CCBE1: variants seen among roughly 807,000 people sequenced by gnomAD.
CCBE1 encodes the protein collagen and calcium-binding EGF domain-containing protein 1.
A neutral mutation model predicts 50.0 loss-of-function variants in CCBE1; 37 were observed. The observed-to-expected ratio is 0.74, with a 90% CI of 0.57 to 0.97. CCBE1 has a LOEUF of 0.97. Among genes scored for constraint, CCBE1 ranks in the 50% least tolerant of loss-of-function variants. The pLI, the probability that CCBE1 is intolerant of heterozygous loss-of-function variation, is 0.00. For synonymous variants in CCBE1, 234 were observed against 203.7 expected, an observed-to-expected ratio of 1.15 and a Z score of -1.27; for missense variants, 538 against 523.8, an observed-to-expected ratio of 1.03 and a Z score of -0.26.
intron 2 of CCBE1, among the ~76,000 whole-genome samples, chr18:59,574,247 A>G (rs952363555): frequency 6.6e-6 from 1 of 152,242 alleles, no homozygotes; most frequent in Admixed American, 6.5e-5. Context: ...ACCACAGTGC[A>G]ATATTTTCAA....
intron 2 of CCBE1, among the ~76,000 whole-genome samples, chr18:59,662,666 C>G (rs570638673): frequency 1.8e-4 from 28 of 152,176 alleles, no homozygotes; most frequent in Non-Finnish European, 3.4e-4. Flanking sequence ...TCAGGGAGAC[C>G]ATGAGAGCTA....
At chr18:59,685,247 C>T (rs185801838) in intron 2 of CCBE1, among the ~76,000 whole-genome samples, 2 of 152,208 alleles carry the variant, frequency 1.3e-5, no homozygotes, top group African/African-American at 4.8e-5. Context: ...TGGAATGGCT[C>T]AGCTTAAGAA....
intron 2 of CCBE1, among the ~76,000 whole-genome samples, chr18:59,524,623 G>C (rs1914742162): frequency 6.6e-6 from 1 of 152,140 alleles, no homozygotes; most frequent in African/African-American, 2.4e-5. Context: ...AAAGTTCCAA[G>C]ATACATGTGC....
chr18:59,606,933 G>A (rs2053506156), intron 2 of CCBE1, among the ~76,000 whole-genome samples: 1 of 151,966 alleles, frequency 6.6e-6, no homozygotes, highest in South Asian at 2.1e-4. Context: ...TTTATAATTA[G>A]TCGGACATGA....
intron 2 of CCBE1, among the ~76,000 whole-genome samples, chr18:59,588,630 G>C (rs931351528): frequency 6.6e-6 from 1 of 152,160 alleles, no homozygotes; most frequent in Non-Finnish European, 1.5e-5. Context: ...CTTAATTCTA[G>C]AGGGCCCCTC....
chr18:59,692,955 AGCACACAC>A (rs1458420681), intron 2 of CCBE1, among the ~76,000 whole-genome samples: 2,772 of 143,156 alleles, frequency 0.019, 57 homozygotes, highest in African/African-American at 0.041. Context: ...GTCAAGCCAA[AGCACACAC>A]ACACACACAC....
intron 2 of CCBE1, among the ~76,000 whole-genome samples, chr18:59,587,862 C>G (rs530456915): frequency 1.3e-5 from 2 of 152,238 alleles, no homozygotes; most frequent in East Asian, 3.9e-4. Flanking sequence ...ATCAATTGTA[C>G]TTTTTGTAAA....
chr18:59,680,066 CA>C (rs1318935973), intron 2 of CCBE1, among the ~76,000 whole-genome samples: 1 of 151,754 alleles, frequency 6.6e-6, no homozygotes, highest in Non-Finnish European at 1.5e-5. Context: ...ACTAAAAATA[CA>C]AAAATCAGCC....
chr18:59,684,943 G>A (rs2054637439), intron 2 of CCBE1, among the ~76,000 whole-genome samples: 1 of 152,090 alleles, frequency 6.6e-6, no homozygotes, highest in Non-Finnish European at 1.5e-5. Flanking sequence ...GAGAGTAAAG[G>A]CGTACAGATG....
At chr18:59,534,051 C>G (rs532661672) in intron 2 of CCBE1, among the ~76,000 whole-genome samples, 10 of 152,256 alleles carry the variant, frequency 6.6e-5, no homozygotes, top group African/African-American at 2.4e-4. Context: ...CCATAACCAC[C>G]CTGTTCCTCC....
chr18:59,631,946 A>G (rs2053854489), intron 2 of CCBE1, among the ~76,000 whole-genome samples: 1 of 152,232 alleles, frequency 6.6e-6, no homozygotes, highest in Non-Finnish European at 1.5e-5. Context: ...TCTACTCTGT[A>G]TTTAGCACTG....
chr18:59,656,177 T>C (rs1052754760), intron 2 of CCBE1, among the ~76,000 whole-genome samples: 1 of 152,224 alleles, frequency 6.6e-6, no homozygotes, highest in African/African-American at 2.4e-5. Flanking sequence ...AATTATATTA[T>C]TAAATAAGCA....
chr18:59,472,613 C>T (rs1027256020), intron 3 of CCBE1, among the ~76,000 whole-genome samples: 1 of 152,308 alleles, frequency 6.6e-6, no homozygotes, highest in African/African-American at 2.4e-5. Context: ...CCTCCCAAAG[C>T]GCTGGGATTA....
chr18:59,652,748 G>C (rs1376597231), intron 2 of CCBE1, among the ~76,000 whole-genome samples: 4 of 152,232 alleles, frequency 2.6e-5, no homozygotes, highest in South Asian at 4.1e-4. Flanking sequence ...GTGGATCATG[G>C]GGTCAGGAGA....
chr18:59,501,576 C>T (rs1913625281), intron 2 of CCBE1, among the ~76,000 whole-genome samples: 1 of 152,196 alleles, frequency 6.6e-6, no homozygotes, highest in African/African-American at 2.4e-5. Flanking sequence ...CTTCCTCCTC[C>T]TCCTGGAAGC....
chr18:59,545,716 G>A (rs1321307797), intron 2 of CCBE1, among the ~76,000 whole-genome samples: 1 of 152,204 alleles, frequency 6.6e-6, no homozygotes, highest in Admixed American at 6.5e-5. Context: ...TTTGAATCAT[G>A]AGGGCAGTTT....
Position 59,518,632 on chromosome 18 carries a change from T to C in CCBE1, c.213-38394A>G, listed in dbSNP as rs144990293. ...CTCCCCTTAAAATGGCACAGAAGAG[T>C]ACATGCGACACGTGGATGAAGTGGA... is the stretch of plus-strand genomic sequence containing the variant. On this transcript the variant is annotated intron_variant, in intron 2 of 10. Transcript: ENST00000439986. Among the ~76,000 whole-genome samples the C allele has an allele frequency of 6.5e-3, 996 of 152,074 alleles. 9 individuals are homozygous for C. The highest frequency in any genetic ancestry group is 8.6e-3 in the Non-Finnish European group (587 of 67,974).
At chr18:59,540,763 T>G (rs1014960107) in intron 2 of CCBE1, among the ~76,000 whole-genome samples, 1 of 152,178 alleles carries the variant, frequency 6.6e-6, no homozygotes, top group African/African-American at 2.4e-5. Context: ...TTACCTCCTC[T>G]CAGGTCACAA....
chr18:59,637,827 T>C (rs1469788486), intron 2 of CCBE1, among the ~76,000 whole-genome samples: 1 of 152,206 alleles, frequency 6.6e-6, no homozygotes, highest in Non-Finnish European at 1.5e-5. Context: ...AACCATTCAT[T>C]AAAGTGAATT....
Sources: allele counts gnomAD v4.1 joint callset (sites outside exome capture counted in the v4.1 genomes callset), GRCh38; gene constraint gnomAD v4.1.1; transcripts MANE v1.5; gene names NCBI Gene and HGNC (gene_info 2026-07-23, HGNC 2026-07-21).